HIC1: variants seen among roughly 807,000 people sequenced by gnomAD.
HIC1 encodes hypermethylated in cancer 1 protein.
A neutral mutation model predicts 26.4 loss-of-function variants in HIC1; 9 were observed. That is an observed-to-expected ratio of 0.34 (90% confidence interval 0.21 to 0.59). The LOEUF is 0.59. Among genes scored for constraint, HIC1 ranks in the 20% least tolerant of loss-of-function variants. The pLI is 0.82. For missense variants in HIC1, 965 were observed against 1,075.7 expected, an observed-to-expected ratio of 0.90 and a Z score of 1.44; for synonymous variants, 631 against 523.1, an observed-to-expected ratio of 1.21 and a Z score of -2.81.
At position 2,061,926 on chromosome 17, in the gene HIC1, A is replaced by AGCAGCC; in HGVS notation, c.*3092_*3097dup. The AGCAGCC allele has an allele frequency of 3.2e-6, 1 of 309,306 alleles. No homozygotes were observed. Among genetic ancestry groups the AGCAGCC allele is most frequent in the Non-Finnish European group, 6.3e-6 (1 of 159,082 alleles). The allele number at this position is 309,306 out of a possible 1,614,324, so 19.2% of individuals were successfully genotyped here. A position where few individuals can be genotyped will look rare whatever the true frequency, so the allele number is the denominator to read the frequency against. ...CAGGACCCTAAACTGAGGGAATAGA[A>AGCAGCC]GCAGCCCCTTGACCTCTACTCCTTT... On this transcript the variant is annotated 3_prime_UTR_variant, in exon 2 of 2. Coordinates refer to ENST00000619757, the MANE Select transcript of HIC1 (RefSeq NM_006497.4).
Position 2,058,906 on chromosome 17 carries a change from G to T in HIC1, c.*71G>T. On this transcript the variant is annotated 3_prime_UTR_variant, in exon 2 of 2. Coordinates refer to ENST00000619757, the MANE Select transcript of HIC1 (RefSeq NM_006497.4). Reference sequence around the variant, plus strand: ...CCGCACCCCAGGGAGCGGCGGGGGCGGCGCGCAGGGCCCACTGTGCCCGGG... The same window carrying T: ...CCGCACCCCAGGGAGCGGCGGGGGCTGCGCGCAGGGCCCACTGTGCCCGGG... 1 of 1,268,694 alleles carries T rather than the reference G, an allele frequency of 7.9e-7. No homozygotes were observed. 78.6% of individuals were successfully genotyped at this position (1,268,694 alleles called of 1,614,324 possible).
rs1379045860 is a variant in HIC1 at position 2,055,633 on chromosome 17, G to T, written c.-21+395G>T. On this transcript the variant is annotated intron_variant, in intron 1 of 1. Coordinates refer to ENST00000619757, the MANE Select transcript of HIC1 (RefSeq NM_006497.4). The surrounding 1 kb of genome is among the most constrained non-coding windows in gnomAD (Gnocchi z 6.4). ...CGGCCCGCCGGGACCGCAGGTAACG[G>T]GCCGCGGGGCCCCGCGGGCCAGGAG... Among the ~76,000 whole-genome samples, 1 of 150,610 alleles carries T rather than the reference G, an allele frequency of 6.6e-6. No homozygotes were observed. Among genetic ancestry groups the T allele is most frequent in the Non-Finnish European group, 1.5e-5 (1 of 67,392 alleles).
chr17:2,057,382 CG>C lies in HIC1; in HGVS notation c.695del (p.Gly232AlafsTer82). ...CTGGACCTGTCCAAGAAGAGCCCGC[CG>C]GGCTCCGCGGCGCCAGAGCGGCCGC... is the stretch of plus-strand genomic sequence containing the variant. ...CGLDLSKKSP[P>X]GSAAPERPLA... On this transcript the variant is annotated frameshift_variant, in exon 2 of 2. Transcript: ENST00000619757. LOFTEE classifies it low-confidence loss of function (END_TRUNC). 1 of 1,445,568 alleles carries C rather than the reference CG, an allele frequency of 6.9e-7. No individual in the cohort carries two copies. Among genetic ancestry groups the C allele is most frequent in the Non-Finnish European group, 9.0e-7 (1 of 1,105,992 alleles). The allele number at this position is 1,445,568 out of a possible 1,614,324, so 89.5% of individuals were successfully genotyped here. A position where few individuals can be genotyped will look rare whatever the true frequency, so the allele number is the denominator to read the frequency against.
rs1185375964 is a variant in HIC1 at position 2,060,003 on chromosome 17, A to G, written c.*1168A>G. Reference sequence around the variant, plus strand: ...GGGGACCCTGTACTCCAAAGAGCCCAGTCTTCTGAGACTCTAGGGGACTCC... The same window carrying G: ...GGGGACCCTGTACTCCAAAGAGCCCGGTCTTCTGAGACTCTAGGGGACTCC... On this transcript the variant is annotated 3_prime_UTR_variant, in exon 2 of 2. Coordinates refer to ENST00000619757, the MANE Select transcript of HIC1 (RefSeq NM_006497.4). The G allele has an allele frequency of 6.6e-6, 1 of 152,300 alleles. No homozygotes were observed. The highest frequency in any genetic ancestry group is 1.5e-5 in the Non-Finnish European group (1 of 68,098). 9.4% of individuals were successfully genotyped at this position (152,300 alleles called of 1,614,324 possible). A position where few individuals can be genotyped will look rare whatever the true frequency, so the allele number is the denominator to read the frequency against.
intron 1 of HIC1, 99 bp from the exon 2 acceptor site, chr17:2,056,572 C>T (rs2067674536): frequency 6.9e-7 from 1 of 1,440,674 alleles, no homozygotes; most frequent in East Asian, 2.5e-5. Context: ...TGCCCCCGCT[C>T]AGCTGAGGGA....
In HIC1 at chr17:2,056,574, G is replaced by A. The variant is rs2067674571; in HGVS notation, c.-20-97G>A. On this transcript the variant is annotated intron_variant, in intron 1 of 1. Transcript: ENST00000619757. ...GCCGCAGGGCTGATGCCCCCGCTCAGCTGAGGGAAGGGGAAGTGGAGGGGA... is the reference window on the plus strand; with the variant it reads ...GCCGCAGGGCTGATGCCCCCGCTCAACTGAGGGAAGGGGAAGTGGAGGGGA... The A allele has an allele frequency of 2.8e-6, 4 of 1,445,086 alleles. No individual in the cohort carries two copies. In the East Asian group the frequency reaches 1.0e-4, roughly 36 times the overall value. The allele number at this position is 1,445,086 out of a possible 1,614,324, so 89.5% of individuals were successfully genotyped here.
At position 2,057,266 on chromosome 17, in the gene HIC1, C is replaced by G. The variant is rs1208473451; in HGVS notation, c.576C>G (p.Val192=). 2.7e-6 allele frequency: 4 copies of G among 1,461,528 alleles called. No homozygotes were observed. In the African/African-American group the frequency reaches 4.4e-5, roughly 16 times the overall value. 90.5% of individuals were successfully genotyped at this position (1,461,528 alleles called of 1,614,324 possible). A position where few individuals can be genotyped will look rare whatever the true frequency, so the allele number is the denominator to read the frequency against. Residue 192 remains valine, a synonymous_variant, in exon 2 of 2, where the codon GTC becomes GTG. Transcript: ENST00000619757. ...AEPPSGPEAA[V]NTHCAELYAS... The stretch of plus-strand genomic sequence containing the variant: ...CGCCCTCGGGCCCAGAGGCCGCGGT[C>G]AACACGCACTGCGCCGAGCTGTACG...
Position 2,061,472 on chromosome 17 carries a change from G to C in HIC1, c.*2637G>C, listed in dbSNP as rs2067773779. 6.4e-7 allele frequency: 1 copy of C among 1,565,830 alleles called. No individual in the cohort carries two copies. Among genetic ancestry groups the C allele is most frequent in the Non-Finnish European group, 8.6e-7 (1 of 1,157,290 alleles). The stretch of plus-strand genomic sequence containing the variant: ...CTTTCAGGAACGGTTCCACGGGGGG[G>C]GGGCCCCAGTGTGGCTCCCTCAGCC... On this transcript the variant is annotated 3_prime_UTR_variant, in exon 2 of 2. Transcript: ENST00000619757.
In HIC1 at chr17:2,061,841, C is replaced by T; in HGVS notation, c.*3006C>T. ...ACTGGGCTTCTGCCTTGACTCCGGC[C>T]TCCCATACAGGACTCTCTTCTGCCT... On this transcript the variant is annotated 3_prime_UTR_variant, in exon 2 of 2. Coordinates refer to ENST00000619757, the MANE Select transcript of HIC1 (RefSeq NM_006497.4). 1.9e-6 allele frequency: 1 copy of T among 539,592 alleles called. No individual in the cohort carries two copies. Among genetic ancestry groups the T allele is most frequent in the African/African-American group, 1.9e-5 (1 of 52,374 alleles). 33.4% of individuals were successfully genotyped at this position (539,592 alleles called of 1,614,324 possible).
At position 2,063,153 on chromosome 17, in the gene HIC1, C is replaced by T. The variant is rs954774777; in HGVS notation, c.*4318C>T. On this transcript the variant is annotated 3_prime_UTR_variant, in exon 2 of 2. Coordinates refer to ENST00000619757, the MANE Select transcript of HIC1 (RefSeq NM_006497.4). ...AGGAGCGTCCCAGGCCTTAGGTCAG[C>T]TAACCAAGGCCCGACATTGCTGGCA... 1 of 152,204 alleles carries T rather than the reference C, an allele frequency of 6.6e-6. No homozygotes were observed. The highest frequency in any genetic ancestry group is 2.4e-5 in the African/African-American group (1 of 41,448). 9.4% of individuals were successfully genotyped at this position (152,204 alleles called of 1,614,324 possible). A position where few individuals can be genotyped will look rare whatever the true frequency, so the allele number is the denominator to read the frequency against.
In HIC1 at chr17:2,061,582, C is replaced by A; in HGVS notation, c.*2747C>A. The stretch of plus-strand genomic sequence containing the variant: ...CCTTCACACGCAGGTTCCGGTCATC[C>A]GTCAACAGCACCACCTCCCGCAGTA... On this transcript the variant is annotated 3_prime_UTR_variant, in exon 2 of 2. Transcript: ENST00000619757. 2.5e-6 allele frequency: 4 copies of A among 1,572,626 alleles called. No individual in the cohort carries two copies. The highest frequency in any genetic ancestry group is 1.7e-6 in the Non-Finnish European group (2 of 1,158,686).
rs998178692 is a variant in HIC1, at chr17:2,058,917, C to T, written c.*82C>T. 5.8e-6 allele frequency: 7 copies of T among 1,214,482 alleles called. No homozygotes were observed. In the African/African-American group the frequency reaches 9.7e-5, roughly 17 times the overall value. The allele number at this position is 1,214,482 out of a possible 1,614,324, so 75.2% of individuals were successfully genotyped here. On this transcript the variant is annotated 3_prime_UTR_variant, in exon 2 of 2. Transcript: ENST00000619757. Reference sequence around the variant, plus strand: ...GGAGCGGCGGGGGCGGCGCGCAGGGCCCACTGTGCCCGGGACAACCGCAGC... The same window carrying T: ...GGAGCGGCGGGGGCGGCGCGCAGGGTCCACTGTGCCCGGGACAACCGCAGC...
At position 2,060,547 on chromosome 17, in the gene HIC1, G is replaced by A. The variant is rs1376587539; in HGVS notation, c.*1712G>A. ...GTGAGAACCCCTATGACGAGGAACC[G>A]CGGTGAAGAAATGAAGGGGATCAGG... On this transcript the variant is annotated 3_prime_UTR_variant, in exon 2 of 2. Coordinates refer to ENST00000619757, the MANE Select transcript of HIC1 (RefSeq NM_006497.4). The A allele has an allele frequency of 1.3e-5, 2 of 152,270 alleles. No homozygotes were observed. The highest frequency in any genetic ancestry group is 4.8e-5 in the African/African-American group (2 of 41,416). 9.4% of individuals were successfully genotyped at this position (152,270 alleles called of 1,614,324 possible).
At position 2,055,838 on chromosome 17, in the gene HIC1, C is replaced by T. The variant is rs1236506873; in HGVS notation, c.-21+600C>T. Among the ~76,000 whole-genome samples the T allele has an allele frequency of 6.7e-6, 1 of 149,900 alleles. No homozygotes were observed. The highest frequency in any genetic ancestry group is 2.0e-4 in the East Asian group (1 of 4,934). On this transcript the variant is annotated intron_variant, in intron 1 of 1. Transcript: ENST00000619757. The surrounding 1 kb of genome is among the most constrained non-coding windows in gnomAD (Gnocchi z 6.4). The stretch of plus-strand genomic sequence containing the variant: ...CCCCAAGTTTGGGGCGGCGGAGTTC[C>T]GGGGGAGAAGGGGCCGGGGGAGCCG...
Position 2,058,689 on chromosome 17 carries a change from G to T in HIC1, c.1999G>T (p.Val667Leu). The T allele has an allele frequency of 1.3e-6, 2 of 1,552,258 alleles. No homozygotes were observed. Among genetic ancestry groups the T allele is most frequent in the Non-Finnish European group, 1.7e-6 (2 of 1,153,682 alleles). The stretch of plus-strand genomic sequence containing the variant: ...CACGCACTTCCTGCACGACCCCAAG[G>T]TGGCGCTGGAGAGCCTCTACCCGCT... ...QTTHFLHDPKVALESLYPLAK... is the reference protein window; with the variant it reads ...QTTHFLHDPKLALESLYPLAK... Residue 667 changes from valine (V) to leucine (L), a missense_variant, in exon 2 of 2, where the codon GTG (valine) becomes TTG (leucine). Val to Leu is a conservative substitution (Grantham distance 32). Around this residue, in one of 6 missense-constraint regions of HIC1, gnomAD observed 210 missense variants for 179.2 expected, o/e 1.17. Transcript: ENST00000619757.
Sources: allele counts gnomAD v4.1 joint callset (sites outside exome capture counted in the v4.1 genomes callset), GRCh38; gene constraint gnomAD v4.1.1; regional missense constraint gnomAD v4.1.1; non-coding constraint Gnocchi (gnomAD v3.1); transcripts MANE v1.5; gene names NCBI Gene and HGNC (gene_info 2026-07-23, HGNC 2026-07-21).